CSN1S1: variants seen among roughly 807,000 people sequenced by gnomAD.
CSN1S1 encodes the protein casein alpha s1.
In CSN1S1, 63 loss-of-function variants were observed where a neutral mutation model predicts 49.1. The observed-to-expected ratio is 1.28, with a 90% CI of 1.05 to 1.58. The LOEUF is 1.58. CSN1S1 is among the 40% of genes most tolerant of loss of function. The pLI is 0.00. For missense variants in CSN1S1, 260 were observed against 224.7 expected (o/e 1.16, Z -1.01); for synonymous variants, 78 against 67.1 (o/e 1.16, Z -0.79).
Position 69,936,601 on chromosome 4 carries a change from A to T in CSN1S1, c.189A>T (p.Glu63Asp). 6.2e-7 allele frequency: 1 copy of T among 1,604,620 alleles called. No homozygotes were observed. Among genetic ancestry groups the T allele is most frequent in the Non-Finnish European group, 8.5e-7 (1 of 1,174,928 alleles). The part of the protein sequence containing the change: ...RNILREKQTD[E>D]IKDTRNESTQ... Reference sequence around the variant, plus strand: ...TTCTGAGAGAAAAACAGACTGATGAAATCAAGGTACCAAAGTTTTTCTTGA... The same window carrying T: ...TTCTGAGAGAAAAACAGACTGATGATATCAAGGTACCAAAGTTTTTCTTGA... The change falls in exon 7 of 16, where the codon GAA becomes GAT. Residue 63 changes from glutamate (E) to aspartate (D), a missense_variant. Physicochemically the swap from Glu to Asp is conservative, Grantham distance 45. Coordinates refer to ENST00000246891, the MANE Select transcript of CSN1S1 (RefSeq NM_001890.2).
At chr4:69,943,720 C>A (rs1723057683) in intron 14 of CSN1S1, among the ~76,000 whole-genome samples, 1 of 151,962 alleles carries the variant, frequency 6.6e-6, no homozygotes, top group South Asian at 2.1e-4. Flanking sequence ...GAGAGGCCAA[C>A]ATCTGTCAAG....
intron 14 of CSN1S1, among the ~76,000 whole-genome samples, chr4:69,943,095 G>C (rs963877061): frequency 2.7e-5 from 4 of 149,934 alleles, no homozygotes; most frequent in African/African-American, 9.8e-5. Flanking sequence ...AAAGTAAAAA[G>C]AAAATAAAGG....
At chr4:69,944,689 C>A (rs1420490630) in intron 14 of CSN1S1, among the ~76,000 whole-genome samples, 161 bp from the exon 15 acceptor site, 1 of 151,976 alleles carries the variant, frequency 6.6e-6, no homozygotes, top group East Asian at 1.9e-4. Context: ...CAACATGGTT[C>A]ACCATAGAAG....
intron 10 of CSN1S1, 65 bp from the exon 11 acceptor site, chr4:69,939,956 T>C: frequency 1.0e-6 from 1 of 976,604 alleles, no homozygotes; most frequent in Non-Finnish European, 1.5e-6. Flanking sequence ...TTGATTCATA[T>C]TTTAACTTTA....
intron 13 of CSN1S1, 77 bp downstream of exon 13, chr4:69,942,140 T>C: frequency 1.2e-6 from 1 of 863,924 alleles, no homozygotes; most frequent in South Asian, 2.4e-5. Flanking sequence ...TGATTCTCTT[T>C]TAACATAAAT....
chr4:69,938,557 T>C (rs1722876994), intron 9 of CSN1S1, among the ~76,000 whole-genome samples: 1 of 151,702 alleles, frequency 6.6e-6, no homozygotes, highest in Admixed American at 6.6e-5. Flanking sequence ...TTACATATGG[T>C]TAATCAACCA....
chr4:69,943,805 A>C (rs1220310090), intron 14 of CSN1S1, among the ~76,000 whole-genome samples: 1 of 152,018 alleles, frequency 6.6e-6, no homozygotes, highest in Non-Finnish European at 1.5e-5. Flanking sequence ...AAACTCAGTC[A>C]AAACAAACTC....
At chr4:69,945,236 A>G (rs934616977) in intron 15 of CSN1S1, among the ~76,000 whole-genome samples, 38 of 152,038 alleles carry the variant, frequency 2.5e-4, no homozygotes, top group African/African-American at 8.7e-4. Context: ...TATAAGTGAT[A>G]TTTATTCTAA....
chr4:69,946,018 T>C lies in CSN1S1; in HGVS notation c.*-178T>C, dbSNP rs370890145. ...ATACAATTTAGTAATAAAAATGTCT[T>C]TGTAGCTTAAAAACCAAGAGCAATG... On this transcript the variant is annotated intron_variant, in intron 15 of 15. Transcript: ENST00000246891. 9.2e-5 allele frequency among the ~76,000 whole-genome samples: 14 copies of C among 152,126 alleles called. No homozygotes were observed. The East Asian group carries it at 2.7e-3, about 29-fold the overall frequency.
At chr4:69,944,824 T>G (rs1723100958) in intron 14 of CSN1S1, 26 bp from the exon 15 acceptor site, 3 of 1,610,194 alleles carry the variant, frequency 1.9e-6, no homozygotes, top group South Asian at 1.1e-5. Context: ...CATACACTGT[T>G]GCTTTTCAAA....
intron 2 of CSN1S1, among the ~76,000 whole-genome samples, chr4:69,933,857 A>G (rs571208293): frequency 4.9e-4 from 74 of 152,132 alleles, no homozygotes; most frequent in Admixed American, 3.3e-4. Context: ...CTTTAGAACT[A>G]TGGTGTAATA....
intron 9 of CSN1S1, among the ~76,000 whole-genome samples, chr4:69,938,619 A>G (rs1262560535): frequency 3.3e-5 from 5 of 151,742 alleles, no homozygotes; most frequent in African/African-American, 9.7e-5. Flanking sequence ...TAAAATATGT[A>G]TGTATTTGGA....
chr4:69,942,055 C>A lies in CSN1S1; in HGVS notation c.352C>A (p.His118Asn). The change falls in exon 13 of 16, where the codon CAT (histidine) becomes AAT (asparagine). Residue 118 changes from histidine to asparagine, a missense_variant. Coordinates refer to ENST00000246891, the MANE Select transcript of CSN1S1 (RefSeq NM_001890.2). Reference sequence around the variant, plus strand: ...GTTTTCTCCTCCCTAGCAAGCTGCCCATGCCCAGGTGAGATTATTTATTAA... The same window carrying A: ...GTTTTCTCCTCCCTAGCAAGCTGCCAATGCCCAGGTGAGATTATTTATTAA... ...EYNQLQLQAA[H>N]AQEQIRRMNE... 6.8e-7 allele frequency: 1 copy of A among 1,462,444 alleles called. No homozygotes were observed. Among genetic ancestry groups the A allele is most frequent in the Non-Finnish European group, 9.2e-7 (1 of 1,083,002 alleles). The allele number at this position is 1,462,444 out of a possible 1,614,324, so 90.6% of individuals were successfully genotyped here. A position where few individuals can be genotyped will look rare whatever the true frequency, so the allele number is the denominator to read the frequency against.
At chr4:69,945,057 G>C in intron 15 of CSN1S1, 53 bp downstream of exon 15, 2 of 1,579,072 alleles carry the variant, frequency 1.3e-6, no homozygotes, top group Non-Finnish European at 1.7e-6. Context: ...GAATGAAATA[G>C]AATAGCTTGG....
intron 3 of CSN1S1, 129 bp downstream of exon 3, chr4:69,934,373 A>G (rs1424581893): frequency 2.3e-6 from 2 of 865,538 alleles, no homozygotes; most frequent in East Asian, 2.5e-5. Context: ...TAGTTCAAGC[A>G]CTGTCAGATG....
In CSN1S1 at chr4:69,946,188, A is replaced by T; in HGVS notation, c.*-8A>T. On this transcript the variant is annotated splice_region_variant and splice_polypyrimidine_tract_variant and intron_variant, in intron 15 of 15. Coordinates refer to ENST00000246891, the MANE Select transcript of CSN1S1 (RefSeq NM_001890.2). ...TAACTCACCACATATTTCTATTTCT[A>T]TTTACAGATATGATTGAAAATTTCA... 1 of 550,724 alleles carries T rather than the reference A, an allele frequency of 1.8e-6. No homozygotes were observed. The highest frequency in any genetic ancestry group is 3.4e-6 in the Non-Finnish European group (1 of 296,784). 34.1% of individuals were successfully genotyped at this position (550,724 alleles called of 1,614,324 possible). A position where few individuals can be genotyped will look rare whatever the true frequency, so the allele number is the denominator to read the frequency against.
chr4:69,942,357 AT>A (rs995779065), intron 13 of CSN1S1, 178 bp from the exon 14 acceptor site: 7 of 635,214 alleles, frequency 1.1e-5, no homozygotes, highest in East Asian at 5.5e-5. Context: ...TTTAGCTAAA[AT>A]TTTTTTCTGA....
chr4:69,939,914 C>A, intron 10 of CSN1S1, 107 bp from the exon 11 acceptor site: 1 of 656,606 alleles, frequency 1.5e-6, no homozygotes. Context: ...TCACTAAAAT[C>A]AATTCACTGC....
Position 69,939,995 on chromosome 4 carries a change from CTA to C in CSN1S1, c.277-24_277-23del, listed in dbSNP as rs1182664784. 5.3e-6 allele frequency: 7 copies of C among 1,324,916 alleles called. No individual in the cohort carries two copies. In the African/African-American group the frequency reaches 6.0e-5, roughly 11 times the overall value. 82.1% of individuals were successfully genotyped at this position (1,324,916 alleles called of 1,614,324 possible). A position where few individuals can be genotyped will look rare whatever the true frequency, so the allele number is the denominator to read the frequency against. On this transcript the variant is annotated intron_variant, in intron 10 of 15. Transcript: ENST00000246891. The stretch of plus-strand genomic sequence containing the variant: ...GTAAATTAATGTCGTGAAATTAAAA[CTA>C]TGCATGTTTTAATTTTTTTAAAGGA...
Sources: gnomAD v4.1 joint callset for allele counts (sites outside exome capture counted in the v4.1 genomes callset) on GRCh38, gnomAD v4.1.1 for gene constraint, MANE v1.5 for transcripts, NCBI Gene and HGNC (gene_info 2026-07-23, HGNC 2026-07-21) for gene names.